PIP5K1A: variants seen among roughly 807,000 people sequenced by gnomAD.
PIP5K1A encodes phosphatidylinositol 4-phosphate 5-kinase type-1 alpha.
Under a neutral mutation model 72.9 loss-of-function variants are expected in PIP5K1A, and 46 were observed. The observed-to-expected ratio is 0.63, with a 90% CI of 0.50 to 0.81. The LOEUF (loss-of-function observed/expected upper bound fraction) is 0.81. Among genes scored for constraint, PIP5K1A ranks in the 30% least tolerant of loss-of-function variants. PIP5K1A has a pLI of 0.00. For missense variants in PIP5K1A, 458 were observed against 706.1 expected (o/e 0.65, Z 3.98); for synonymous variants, 228 against 255.1 (o/e 0.89, Z 1.01).
intron 1 of PIP5K1A, among the ~76,000 whole-genome samples, chr1:151,209,395 C>G (rs1009107528): frequency 2.1e-4 from 31 of 150,500 alleles, no homozygotes; most frequent in African/African-American, 7.3e-4. Flanking sequence ...CTTAGCCTCT[C>G]TAGTAGCTGG....
chr1:151,219,001 A>G (rs587736972), intron 1 of PIP5K1A, among the ~76,000 whole-genome samples: 7 of 152,294 alleles, frequency 4.6e-5, no homozygotes, highest in South Asian at 4.1e-4. Context: ...GGATTAGACT[A>G]AAAATTAGAC....
At chr1:151,201,314 C>G (rs942234423) in intron 1 of PIP5K1A, among the ~76,000 whole-genome samples, 5 of 151,944 alleles carry the variant, frequency 3.3e-5, no homozygotes, top group Admixed American at 6.6e-5. Flanking sequence ...GTCAGATCCT[C>G]TCACTAACAG....
intron 15 of PIP5K1A, 103 bp downstream of exon 15, chr1:151,247,068 G>T (rs1263616836): frequency 1.7e-6 from 1 of 577,536 alleles, no homozygotes; most frequent in Non-Finnish European, 3.0e-6. Flanking sequence ...GAGGATCTGG[G>T]TACCTCCTAA....
rs587771516 is a variant in PIP5K1A, at chr1:151,234,463, C to T, written c.906C>T (p.Asn302=). ...TTTTTTTGGATGCTGACATGTACAA[C>T]GCTCTCTGTAAGACCCTGCAGCGTG... ...DGLFLDADMY[N]ALCKTLQRDC... The change falls in exon 8 of 16, where the codon AAC becomes AAT. Residue 302 remains asparagine, a synonymous_variant. Transcript: ENST00000368888. The T allele has an allele frequency of 4.6e-5, 75 of 1,614,050 alleles. 1 individual carries two copies. Among genetic ancestry groups the T allele is most frequent in the Middle Eastern group, 1.6e-4 (1 of 6,062 alleles).
At chr1:151,224,150 T>G (rs587683917) in intron 1 of PIP5K1A, 95 bp from the exon 2 acceptor site, 36 of 1,087,632 alleles carry the variant, frequency 3.3e-5, no homozygotes, top group Non-Finnish European at 5.1e-5. Context: ...TTTATACTTA[T>G]GTTTAGTTTG....
At chr1:151,224,015 A>G in intron 1 of PIP5K1A, 1 of 563,774 alleles carries the variant, frequency 1.8e-6, no homozygotes. Flanking sequence ...TGGATATTTG[A>G]ATAAGAAAGG....
chr1:151,215,201 GT>G (rs957831470), intron 1 of PIP5K1A, among the ~76,000 whole-genome samples: 1 of 149,280 alleles, frequency 6.7e-6, no homozygotes, highest in African/African-American at 2.5e-5. Flanking sequence ...ATGCTAATTG[GT>G]TTTTTTTGTA....
intron 3 of PIP5K1A, among the ~76,000 whole-genome samples, chr1:151,227,039 G>A (rs1048270755): frequency 4.6e-5 from 7 of 152,084 alleles, no homozygotes; most frequent in Non-Finnish European, 7.4e-5. Context: ...AAAAAATAAA[G>A]AGTAAAAATA....
At chr1:151,247,216 C>T (rs1365489881) in intron 15 of PIP5K1A, among the ~76,000 whole-genome samples, 2 of 151,994 alleles carry the variant, frequency 1.3e-5, no homozygotes, top group African/African-American at 4.8e-5. Context: ...GCAACCTCTG[C>T]CTCCTGGGTT....
At chr1:151,226,156 C>T (rs759296671) in intron 3 of PIP5K1A, among the ~76,000 whole-genome samples, 119 of 148,430 alleles carry the variant, frequency 8.0e-4, no homozygotes, top group Non-Finnish European at 8.7e-4. Context: ...GGTGCGATCT[C>T]GGCTCACTGC....
chr1:151,223,600 G>A (rs1288541099), intron 1 of PIP5K1A, among the ~76,000 whole-genome samples: 3 of 148,588 alleles, frequency 2.0e-5, no homozygotes, highest in Non-Finnish European at 3.0e-5. Flanking sequence ...AGCCGAGATC[G>A]TGCCATTGCA....
At chr1:151,228,128 C>CA (rs1553297549) in intron 4 of PIP5K1A, among the ~76,000 whole-genome samples, 46 of 150,952 alleles carry the variant, frequency 3.0e-4, no homozygotes, top group African/African-American at 5.6e-4. Flanking sequence ...ATAGGTCAGA[C>CA]TTTTTTTTCT....
intron 1 of PIP5K1A, among the ~76,000 whole-genome samples, chr1:151,200,006 C>G (rs948380291): frequency 6.6e-5 from 10 of 151,968 alleles, no homozygotes; most frequent in African/African-American, 2.2e-4. Context: ...TTTGGTGATT[C>G]CCAACTCTAA....
At chr1:151,238,333 G>C (rs1691175374) in intron 10 of PIP5K1A, 68 bp downstream of exon 10, 2 of 1,057,566 alleles carry the variant, frequency 1.9e-6, no homozygotes, top group Non-Finnish European at 3.0e-6. Context: ...TTCTCTTTTA[G>C]ATAGGTTTGT....
chr1:151,195,884 ATTT>A (rs1157195462), upstream of PIP5K1A, among the ~76,000 whole-genome samples: 139 of 62,274 alleles, frequency 2.2e-3, no homozygotes, highest in African/African-American at 8.9e-3. Context: ...ACACCAGCCG[ATTT>A]TTTTTTTTTT....
rs1213631821 is a variant in PIP5K1A, at chr1:151,232,548, C to T, written c.487-3C>T. ...TCTCTTAGTTCTTCTCTGTTTGCCCCAGTATTCCCTCTGCAGTGAGCCGCT... is the reference window on the plus strand; with the variant it reads ...TCTCTTAGTTCTTCTCTGTTTGCCCTAGTATTCCCTCTGCAGTGAGCCGCT... On this transcript the variant is annotated splice_polypyrimidine_tract_variant and splice_region_variant and intron_variant, in intron 6 of 15. Transcript: ENST00000368888. 1 of 1,597,692 alleles carries T rather than the reference C, an allele frequency of 6.3e-7. No homozygotes were observed. The highest frequency in any genetic ancestry group is 1.8e-5 in the Admixed American group (1 of 55,280).
At chr1:151,236,821 CTTTTTTTTTTTTT>C (rs369523470) in intron 9 of PIP5K1A, 58 bp downstream of exon 9, 2 of 498,900 alleles carry the variant, frequency 4.0e-6, no homozygotes, top group South Asian at 2.4e-5. Flanking sequence ...CTTTTCTTTT[CTTTTTTTTTTTTT>C]TTTTTTTTTA....
At chr1:151,208,719 CTTTTTTTTT>C (rs61545057) in intron 1 of PIP5K1A, among the ~76,000 whole-genome samples, 222 of 43,098 alleles carry the variant, frequency 5.2e-3, no homozygotes, top group Non-Finnish European at 8.0e-3. Context: ...TAATGGTACG[CTTTTTTTTT>C]TTTTTTTTTT....
At chr1:151,216,122 G>A (rs914224353) in intron 1 of PIP5K1A, 5 of 481,546 alleles carry the variant, frequency 1.0e-5, no homozygotes, top group African/African-American at 8.0e-5. Context: ...GCCGAGGCGG[G>A]CGGATCACGA....
Sources: allele counts gnomAD v4.1 joint callset (sites outside exome capture counted in the v4.1 genomes callset), GRCh38; gene constraint gnomAD v4.1.1; transcripts MANE v1.5; gene names NCBI Gene and HGNC (gene_info 2026-07-23, HGNC 2026-07-21).